The following PRKN variants were observed in gnomAD, a reference collection of about 807,000 sequenced individuals.
PRKN encodes E3 ubiquitin-protein ligase parkin.
A neutral mutation model predicts 59.5 loss-of-function variants in PRKN; 56 were observed. That is an observed-to-expected ratio of 0.94 (90% CI 0.76 to 1.18). PRKN has a LOEUF of 1.18. PRKN is among the 50% of genes most tolerant of loss of function. The probability of loss-of-function intolerance (pLI) is 0.00; values close to 1 mark genes in which losing one functional copy is unlikely to be tolerated. For missense variants in PRKN, 657 were observed against 596.4 expected, an observed-to-expected ratio of 1.10 and a Z score of -1.06; for synonymous variants, 250 against 222.1, an observed-to-expected ratio of 1.13 and a Z score of -1.12.
chr6:162,561,751 T>C (rs1172567124), intron 1 of PRKN, among the ~76,000 whole-genome samples: 1 of 152,112 alleles, frequency 6.6e-6, no homozygotes, highest in Non-Finnish European at 1.5e-5. Flanking sequence ...TGCCTGCCCA[T>C]GCCAGGGGGA....
intron 6 of PRKN, among the ~76,000 whole-genome samples, chr6:161,903,072 G>A (rs1288095585): frequency 2.0e-5 from 3 of 152,126 alleles, no homozygotes; most frequent in Non-Finnish European, 2.9e-5. Flanking sequence ...ACTGTTCATC[G>A]CTATTGTCTT....
chr6:162,122,276 C>T (rs1229788405), intron 4 of PRKN, among the ~76,000 whole-genome samples: 1 of 152,176 alleles, frequency 6.6e-6, no homozygotes, highest in Admixed American at 6.5e-5. Flanking sequence ...CTGCTACCAA[C>T]ACTCCTGTGT....
intron 6 of PRKN, among the ~76,000 whole-genome samples, chr6:161,874,882 A>G (rs1562356321): frequency 9.3e-6 from 1 of 107,432 alleles, no homozygotes; most frequent in Non-Finnish European, 1.6e-5. Context: ...AATATAAAAT[A>G]TATAATATAT....
intron 5 of PRKN, among the ~76,000 whole-genome samples, chr6:161,999,350 C>T (rs1781961942): frequency 6.6e-6 from 1 of 152,030 alleles, no homozygotes; most frequent in African/African-American, 2.4e-5. Flanking sequence ...GGACACTGGA[C>T]TTTACTGGTG....
intron 1 of PRKN, among the ~76,000 whole-genome samples, chr6:162,599,562 A>T (rs956848367): frequency 6.6e-6 from 1 of 152,188 alleles, no homozygotes; most frequent in Non-Finnish European, 1.5e-5. Flanking sequence ...GCAGAGGCAA[A>T]CTCGAAAGCA....
intron 1 of PRKN, among the ~76,000 whole-genome samples, chr6:162,512,802 T>C (rs1014887478): frequency 3.9e-5 from 6 of 152,136 alleles, no homozygotes; most frequent in Non-Finnish European, 8.8e-5. Context: ...GGATAAAAAC[T>C]TTAAATTTGG....
intron 1 of PRKN, among the ~76,000 whole-genome samples, chr6:162,596,156 T>C (rs906813447): frequency 5.9e-5 from 9 of 152,172 alleles, no homozygotes; most frequent in African/African-American, 2.2e-4. Flanking sequence ...TAAAAATATG[T>C]GGAATTCTAA....
At chr6:162,241,279 G>GT (rs1778981095) in intron 3 of PRKN, among the ~76,000 whole-genome samples, 1 of 152,052 alleles carries the variant, frequency 6.6e-6, no homozygotes, top group African/African-American at 2.4e-5. Flanking sequence ...GAATGTTATT[G>GT]TAAGTAAATA....
chr6:161,593,035 C>T lies in PRKN; in HGVS notation c.872-23619G>A, dbSNP rs967144446. 2.6e-5 allele frequency among the ~76,000 whole-genome samples: 4 copies of T among 152,328 alleles called. No homozygotes were observed. Among genetic ancestry groups the T allele is most frequent in the Admixed American group, 2.0e-4 (3 of 15,306 alleles). On this transcript the variant is annotated intron_variant, in intron 7 of 11. Coordinates refer to ENST00000366898, the MANE Select transcript of PRKN (RefSeq NM_004562.3). This position sits in a 1 kb window ranked among gnomAD's most constrained non-coding sequence, Gnocchi z 4.8. ...GAGATTTACAGAAGAGTTGTAACGA[C>T]TGCACAGAGCGTCCTCAGATGCGCT...
chr6:161,854,272 C>G (rs1164344239), intron 6 of PRKN, among the ~76,000 whole-genome samples: 1 of 150,446 alleles, frequency 6.6e-6, no homozygotes, highest in Non-Finnish European at 1.5e-5. Flanking sequence ...AACATACAAA[C>G]AAACAAAAAA....
chr6:162,468,036 A>C (rs370063616), intron 1 of PRKN, among the ~76,000 whole-genome samples: 7 of 152,172 alleles, frequency 4.6e-5, no homozygotes, highest in African/African-American at 1.4e-4. Context: ...CTACTCTCTC[A>C]TCACCTTGTT....
chr6:161,732,420 G>C (rs1447116944), intron 7 of PRKN, among the ~76,000 whole-genome samples: 7 of 151,222 alleles, frequency 4.6e-5, no homozygotes, highest in African/African-American at 1.7e-4. Flanking sequence ...AGTGTCTGCT[G>C]TTCCTGTCTT....
At chr6:162,054,873 GA>G (rs1777794077) in intron 4 of PRKN, among the ~76,000 whole-genome samples, 1 of 152,150 alleles carries the variant, frequency 6.6e-6, no homozygotes, top group African/African-American at 2.4e-5. Context: ...TAAATTTTAA[GA>G]AATCGGGCTG....
intron 5 of PRKN, among the ~76,000 whole-genome samples, chr6:162,019,986 T>G (rs892199498): frequency 1.3e-5 from 2 of 151,336 alleles, no homozygotes; most frequent in African/African-American, 4.9e-5. Context: ...GACATTGCAC[T>G]CCAGCCTGGG....
At chr6:161,760,773 A>G (rs1789165638) in intron 7 of PRKN, among the ~76,000 whole-genome samples, 1 of 152,214 alleles carries the variant, frequency 6.6e-6, no homozygotes. Context: ...AGCTCAATGC[A>G]AAAGAATCAT....
intron 1 of PRKN, among the ~76,000 whole-genome samples, chr6:162,456,245 A>G (rs759155634): frequency 3.3e-5 from 5 of 152,226 alleles, no homozygotes; most frequent in Non-Finnish European, 5.9e-5. Flanking sequence ...ATTTCATTCC[A>G]GCAATAAGTA....
At chr6:162,388,055 T>A (rs1293372489) in intron 2 of PRKN, among the ~76,000 whole-genome samples, 1 of 152,108 alleles carries the variant, frequency 6.6e-6, no homozygotes, top group East Asian at 1.9e-4. Flanking sequence ...AGAACTGAGG[T>A]AAACTCGTGT....
chr6:161,658,035 G>A (rs112537426), intron 7 of PRKN, among the ~76,000 whole-genome samples: 6,955 of 74,604 alleles, frequency 0.093, 51 homozygotes, highest in Non-Finnish European at 0.11. Flanking sequence ...AAAAAAAAAA[G>A]AAAAGAAAAG....
At chr6:161,791,302 T>C (rs1326629387) in intron 6 of PRKN, among the ~76,000 whole-genome samples, 1 of 152,250 alleles carries the variant, frequency 6.6e-6, no homozygotes, top group East Asian at 1.9e-4. Context: ...TTACAAATAA[T>C]GTGGCAAGTC....
Sources: allele counts gnomAD v4.1 joint callset (sites outside exome capture counted in the v4.1 genomes callset), GRCh38; gene constraint gnomAD v4.1.1; non-coding constraint Gnocchi (gnomAD v3.1); transcripts MANE v1.5; gene names NCBI Gene and HGNC (gene_info 2026-07-23, HGNC 2026-07-21).